Variants in SAXO5 observed in about 807,000 individuals in gnomAD.
SAXO5 encodes testis expressed 45.
the SAXO5 span, chr19:7,506,010 A>C: frequency 7.5e-6 from 12 of 1,605,692 alleles, no homozygotes; most frequent in Non-Finnish European, 1.0e-5. Flanking sequence ...CCTCATGAGA[A>C]ATTGCAGAGT....
the SAXO5 span, chr19:7,499,967 G>GTGTGTGTGTGT: frequency 1.4e-4 from 4 of 29,496 alleles, no homozygotes; most frequent in Admixed American, 1.2e-3. Flanking sequence ...TGTGTGTGTG[G>GTGTGTGTGTGT]AGACGGGGTC....
chr19:7,500,476 TAAAAA>T, the SAXO5 span, among the ~76,000 whole-genome samples: 1 of 151,868 alleles, frequency 6.6e-6, no homozygotes, highest in African/African-American at 2.4e-5. Flanking sequence ...TAATTTTTTT[TAAAAA>T]TTATTTTTAG....
At chr19:7,506,658 G>T in the SAXO5 span, 1 of 343,204 alleles carries the variant, frequency 2.9e-6, no homozygotes, top group Non-Finnish European at 5.5e-6. Context: ...TCCTCCCCTA[G>T]CTCCTCCGTC....
At chr19:7,506,828 C>G in the SAXO5 span, 39 of 542,076 alleles carry the variant, frequency 7.2e-5, 1 homozygote, top group South Asian at 8.0e-4. Context: ...TCCCCAGCGC[C>G]TACCTCTTTC....
chr19:7,502,079 T>C, the SAXO5 span, among the ~76,000 whole-genome samples: 1 of 151,800 alleles, frequency 6.6e-6, no homozygotes, highest in South Asian at 2.1e-4. Flanking sequence ...CTCTACAAAA[T>C]AAAAATTTTA....
chr19:7,498,244 T>G, the SAXO5 span, among the ~76,000 whole-genome samples: 1 of 151,724 alleles, frequency 6.6e-6, no homozygotes, highest in East Asian at 1.9e-4. Context: ...GGGGTTTCGC[T>G]CTGTCACCCA....
chr19:7,498,284 C>G, the SAXO5 span, among the ~76,000 whole-genome samples: 1 of 151,868 alleles, frequency 6.6e-6, no homozygotes, highest in African/African-American at 2.4e-5. Context: ...GGTCTCGGAT[C>G]ACTGCAACCT....
the SAXO5 span, among the ~76,000 whole-genome samples, chr19:7,503,290 C>T: frequency 1.3e-5 from 2 of 151,962 alleles, no homozygotes; most frequent in African/African-American, 4.8e-5. Context: ...TCGCTTGAAC[C>T]TGGGAGGAGC....
At chr19:7,505,907 C>T in the SAXO5 span, 38 of 1,505,636 alleles carry the variant, frequency 2.5e-5, no homozygotes, top group East Asian at 3.6e-4. Context: ...CTCCCTCCCC[C>T]CCGGGCCCGG....
chr19:7,501,426 C>A, the SAXO5 span: 6 of 1,455,472 alleles, frequency 4.1e-6, no homozygotes, highest in Non-Finnish European at 4.5e-6. Context: ...GCTGAGTGGG[C>A]GATTTGCTTC....
At chr19:7,505,843 G>A in the SAXO5 span, 664,133 of 1,059,442 alleles carry the variant, frequency 0.63, 211,300 homozygotes, top group African/African-American at 0.67. Flanking sequence ...AGTGCTACCA[G>A]GTGGGGCCCA....
At chr19:7,502,758 C>T in the SAXO5 span, among the ~76,000 whole-genome samples, 51,111 of 151,894 alleles carry the variant, frequency 0.34, 8,854 homozygotes, top group Non-Finnish European at 0.36. Context: ...GCCTCAGTTT[C>T]CCCGTCTACA....
At chr19:7,507,376 AG>A in the SAXO5 span, among the ~76,000 whole-genome samples, 1 of 152,122 alleles carries the variant, frequency 6.6e-6, no homozygotes, top group Non-Finnish European at 1.5e-5. Flanking sequence ...TGAAGTCAGG[AG>A]TTCGAGACCA....
the SAXO5 span, chr19:7,508,294 G>A: frequency 1.3e-5 from 21 of 1,613,920 alleles, no homozygotes; most frequent in Admixed American, 3.3e-5. Context: ...AAGTACCAGG[G>A]CCCAGCAGCC....
the SAXO5 span, chr19:7,507,277 C>A: frequency 2.7e-6 from 2 of 752,504 alleles, no homozygotes; most frequent in Non-Finnish European, 4.4e-6. Flanking sequence ...AATATCCCTT[C>A]AGCCTGAAGA....
chr19:7,506,849 C>T, the SAXO5 span: 2 of 563,464 alleles, frequency 3.5e-6, no homozygotes, highest in Non-Finnish European at 6.3e-6. Flanking sequence ...CCAGCTCCTC[C>T]CTCTTTCCCA....
chr19:7,505,554 G>A, the SAXO5 span: 1 of 1,614,094 alleles, frequency 6.2e-7, no homozygotes, highest in Non-Finnish European at 8.5e-7. Flanking sequence ...CTCCGGAGTC[G>A]CACATCCTGA....
At chr19:7,501,802 C>T in the SAXO5 span, among the ~76,000 whole-genome samples, 2 of 150,250 alleles carry the variant, frequency 1.3e-5, no homozygotes, top group South Asian at 4.2e-4. Flanking sequence ...ACCTGGGAGA[C>T]AGAGCAAGGC....
the SAXO5 span, chr19:7,504,029 A>G: frequency 2.6e-5 from 23 of 899,920 alleles, no homozygotes; most frequent in African/African-American, 2.1e-4. Flanking sequence ...TCCCCTTCCC[A>G]GGCAAGAAAT....
Sources: allele counts gnomAD v4.1 joint callset (sites outside exome capture counted in the v4.1 genomes callset), GRCh38; gene constraint gnomAD v4.1.1; transcripts MANE v1.5; gene names NCBI Gene and HGNC (gene_info 2026-07-23, HGNC 2026-07-21).